CAMKMT: variants seen among roughly 807,000 people sequenced by gnomAD.
CAMKMT encodes CaM KMT.
A neutral mutation model predicts 48.0 loss-of-function variants in CAMKMT; 53 were observed. That is an observed-to-expected ratio of 1.10 (90% confidence interval 0.89 to 1.39). The LOEUF (loss-of-function observed/expected upper bound fraction) is 1.39, where lower values mean the gene tolerates loss of function less well. Ranked by LOEUF, CAMKMT falls within the 40% of genes most tolerant of loss-of-function variation. The pLI, the probability that CAMKMT is intolerant of heterozygous loss-of-function variation, is 0.00. For synonymous variants in CAMKMT, 165 were observed against 152.3 expected (o/e 1.08, Z -0.61); for missense variants, 428 against 402.7 (o/e 1.06, Z -0.54).
chr2:44,714,160 A>G (rs1678043744), intron 6 of CAMKMT, among the ~76,000 whole-genome samples: 1 of 152,198 alleles, frequency 6.6e-6, no homozygotes, highest in African/African-American at 2.4e-5. Context: ...CATACGCAAC[A>G]GGGTCTTTTG....
chr2:44,370,388 G>A (rs920531866), intron 1 of CAMKMT, among the ~76,000 whole-genome samples: 5 of 152,076 alleles, frequency 3.3e-5, no homozygotes, highest in Non-Finnish European at 5.9e-5. Context: ...GTTTCTTCTT[G>A]TGTCAGTTTT....
chr2:44,656,438 T>C (rs995548911), intron 3 of CAMKMT, among the ~76,000 whole-genome samples: 7 of 152,156 alleles, frequency 4.6e-5, no homozygotes, highest in Admixed American at 2.6e-4. Flanking sequence ...TAAGAGTGGA[T>C]AAGGAATGTA....
chr2:44,728,610 CA>C (rs1232587441), intron 7 of CAMKMT, among the ~76,000 whole-genome samples: 1 of 152,082 alleles, frequency 6.6e-6, no homozygotes, highest in African/African-American at 2.4e-5. Flanking sequence ...TTGGTCTATG[CA>C]AGGTTTCCAT....
At chr2:44,532,204 T>G (rs1465991330) in intron 3 of CAMKMT, among the ~76,000 whole-genome samples, 1 of 152,190 alleles carries the variant, frequency 6.6e-6, no homozygotes, top group Non-Finnish European at 1.5e-5. Context: ...TTTTAAAGTG[T>G]CAACAAAAAT....
intron 4 of CAMKMT, 108 bp downstream of exon 4, chr2:44,704,451 T>C (rs906844027): frequency 1.3e-6 from 1 of 743,194 alleles, no homozygotes; most frequent in Non-Finnish European, 2.0e-6. Flanking sequence ...GAAAAAAATA[T>C]AAGAAAAGAA....
At chr2:44,388,868 C>T (rs934562514) in intron 2 of CAMKMT, among the ~76,000 whole-genome samples, 5 of 152,104 alleles carry the variant, frequency 3.3e-5, no homozygotes, top group Non-Finnish European at 7.3e-5. Context: ...CTATGGGTCT[C>T]TTAGCTGTGG....
chr2:44,771,219 ATATT>A lies in CAMKMT; in HGVS notation c.895-811_895-808del, dbSNP rs1054325484. ...TTGACTCCCTGTATAATTTAAAGAAATATTTATTTTTTTATTCTTATAATCTAAA... is the reference window on the plus strand; with the variant it reads ...TTGACTCCCTGTATAATTTAAAGAAATATTTTTTTATTCTTATAATCTAAA... On this transcript the variant is annotated intron_variant, in intron 10 of 10. Coordinates refer to ENST00000378494, the MANE Select transcript of CAMKMT (RefSeq NM_024766.5). Among the ~76,000 whole-genome samples the A allele has an allele frequency of 7.9e-5, 12 of 152,194 alleles. No homozygotes were observed. In the South Asian group the frequency reaches 1.4e-3, roughly 18 times the overall value.
intron 3 of CAMKMT, among the ~76,000 whole-genome samples, chr2:44,645,142 G>T (rs1171361093): frequency 1.3e-5 from 2 of 152,172 alleles, no homozygotes; most frequent in Non-Finnish European, 2.9e-5. Flanking sequence ...GAAACTAGAA[G>T]GCTGGGAAAG....
At chr2:44,656,719 A>G (rs1674400420) in intron 3 of CAMKMT, among the ~76,000 whole-genome samples, 1 of 151,270 alleles carries the variant, frequency 6.6e-6, no homozygotes, top group Non-Finnish European at 1.5e-5. Flanking sequence ...CCTTTTTTTT[A>G]TTGGTCACTA....
chr2:44,631,544 TCCTTCTGCCTCAG>T, intron 3 of CAMKMT: 1 of 608,334 alleles, frequency 1.6e-6, no homozygotes, highest in South Asian at 2.1e-5. Context: ...ACTCAAGCAA[TCCTTCTGCCTCAG>T]CCTCCCAAAG....
intron 3 of CAMKMT, among the ~76,000 whole-genome samples, chr2:44,567,636 A>G (rs1668685279): frequency 6.6e-6 from 1 of 152,172 alleles, no homozygotes; most frequent in South Asian, 2.1e-4. Context: ...GACTGCTATT[A>G]GACAGAGACA....
At chr2:44,510,494 C>G (rs1042230113) in intron 3 of CAMKMT, among the ~76,000 whole-genome samples, 1 of 152,106 alleles carries the variant, frequency 6.6e-6, no homozygotes, top group Non-Finnish European at 1.5e-5. Context: ...AGTGGTGGAT[C>G]CTAGGATCCT....
At chr2:44,461,590 G>A (rs1436997558) in intron 3 of CAMKMT, among the ~76,000 whole-genome samples, 2 of 152,178 alleles carry the variant, frequency 1.3e-5, no homozygotes, top group African/African-American at 2.4e-5. Context: ...CATCTGTCTT[G>A]TTCACCTCTA....
At chr2:44,465,816 C>G (rs1299160368) in intron 3 of CAMKMT, among the ~76,000 whole-genome samples, 1 of 152,036 alleles carries the variant, frequency 6.6e-6, no homozygotes, top group Non-Finnish European at 1.5e-5. Flanking sequence ...GATATGAAGA[C>G]TTAGGCTGAA....
At chr2:44,503,841 G>C (rs374010741) in intron 3 of CAMKMT, among the ~76,000 whole-genome samples, 5 of 152,088 alleles carry the variant, frequency 3.3e-5, no homozygotes, top group Non-Finnish European at 5.9e-5. Flanking sequence ...GGTGCCTCCA[G>C]ATTCTGTTCT....
At chr2:44,694,563 C>T (rs1676835512) in intron 3 of CAMKMT, among the ~76,000 whole-genome samples, 1 of 152,002 alleles carries the variant, frequency 6.6e-6, no homozygotes, top group South Asian at 2.1e-4. Flanking sequence ...ATCCTGTCTC[C>T]AAAAATAAAA....
chr2:44,610,950 A>G (rs1671564050), intron 3 of CAMKMT, among the ~76,000 whole-genome samples: 1 of 152,210 alleles, frequency 6.6e-6, no homozygotes, highest in Non-Finnish European at 1.5e-5. Context: ...ACATTTAACA[A>G]ATTGGGCCCA....
At chr2:44,448,226 C>G (rs201945644) in intron 3 of CAMKMT, among the ~76,000 whole-genome samples, 1 of 152,150 alleles carries the variant, frequency 6.6e-6, no homozygotes. Flanking sequence ...CTGCTCCTTA[C>G]GCACGGGTTT....
intron 3 of CAMKMT, among the ~76,000 whole-genome samples, chr2:44,448,419 A>G (rs1667118881): frequency 6.6e-6 from 1 of 152,210 alleles, no homozygotes; most frequent in African/African-American, 2.4e-5. Context: ...GTACTACAAT[A>G]AATGGTGCTG....
Sources: gnomAD v4.1 joint callset for allele counts (sites outside exome capture counted in the v4.1 genomes callset) on GRCh38, gnomAD v4.1.1 for gene constraint, MANE v1.5 for transcripts, NCBI Gene and HGNC (gene_info 2026-07-23, HGNC 2026-07-21) for gene names.